MMP16: variants seen among roughly 807,000 people sequenced by gnomAD.
MMP16 encodes matrix metalloproteinase-16.
MMP16 carries 12 observed loss-of-function variants against 67.8 expected under a neutral mutation model. The observed-to-expected ratio is 0.18, with a 90% confidence interval of 0.11 to 0.29. MMP16 has a LOEUF of 0.29. Ranked by LOEUF, MMP16 falls within the 10% of genes least tolerant of loss-of-function variation. The pLI is 1.00. For synonymous variants in MMP16, 249 were observed against 255.9 expected, an observed-to-expected ratio of 0.97 and a Z score of 0.26; for missense variants, 475 against 765.7, an observed-to-expected ratio of 0.62 and a Z score of 4.48.
At chr8:88,174,962 C>G (rs1808863653) in intron 3 of MMP16, among the ~76,000 whole-genome samples, 1 of 152,096 alleles carries the variant, frequency 6.6e-6, no homozygotes, top group Admixed American at 6.5e-5. Context: ...CCATGTTGGT[C>G]AGGCTGGTCT....
intron 8 of MMP16, among the ~76,000 whole-genome samples, chr8:88,054,432 C>A (rs1808307204): frequency 6.6e-6 from 1 of 152,142 alleles, no homozygotes; most frequent in African/African-American, 2.4e-5. Context: ...GATTTACTTT[C>A]ATTAGTGGCC....
At position 88,202,250 on chromosome 8, in the gene MMP16, C is replaced by A. The variant is rs550090639; in HGVS notation, c.133-4944G>T. Among the ~76,000 whole-genome samples, 29 of 152,292 alleles carry A rather than the reference C, an allele frequency of 1.9e-4. 2 individuals carry two copies. The highest frequency in any genetic ancestry group is 1.5e-3 in the South Asian group (7 of 4,824). On this transcript the variant is annotated intron_variant, in intron 1 of 9. Coordinates refer to ENST00000286614, the MANE Select transcript of MMP16 (RefSeq NM_005941.5). ...AAACATCTTATCAATTAAGAGGCAA[C>A]TGTCATTTGGACAGGAAGAGAAGAA...
At chr8:88,279,401 T>C (rs1011856630) in intron 1 of MMP16, among the ~76,000 whole-genome samples, 1 of 152,212 alleles carries the variant, frequency 6.6e-6, no homozygotes, top group Non-Finnish European at 1.5e-5. Context: ...ATTACCTACA[T>C]AGCTTGCATT....
chr8:88,111,667 T>C (rs1236927776), intron 6 of MMP16, among the ~76,000 whole-genome samples: 1 of 151,714 alleles, frequency 6.6e-6, no homozygotes, highest in Non-Finnish European at 1.5e-5. Context: ...ATTTGATGCA[T>C]TGTTTTACAA....
chr8:88,065,507 T>G (rs1808452874), intron 7 of MMP16, among the ~76,000 whole-genome samples: 2 of 152,054 alleles, frequency 1.3e-5, no homozygotes, highest in Non-Finnish European at 2.9e-5. Flanking sequence ...TCCATAAATA[T>G]TTATAATTCA....
Position 88,313,829 on chromosome 8 carries a change from T to C in MMP16, c.132+13246A>G, listed in dbSNP as rs965641624. Among the ~76,000 whole-genome samples, 14 of 152,236 alleles carry C rather than the reference T, an allele frequency of 9.2e-5. No individual in the cohort carries two copies. The East Asian group carries it at 2.7e-3, about 29-fold the overall frequency. ...AAGGAGGAGCAAGTCACATCTTACA[T>C]GGATGGCAGCAGGCAAAGAGAGAGC... is the stretch of plus-strand genomic sequence containing the variant. On this transcript the variant is annotated intron_variant, in intron 1 of 9. Coordinates refer to ENST00000286614, the MANE Select transcript of MMP16 (RefSeq NM_005941.5).
At chr8:88,312,666 C>T (rs1811313287) in intron 1 of MMP16, among the ~76,000 whole-genome samples, 1 of 152,112 alleles carries the variant, frequency 6.6e-6, no homozygotes, top group Non-Finnish European at 1.5e-5. Flanking sequence ...CTTTCTGTTG[C>T]TAAAGATTAG....
chr8:88,051,617 C>T (rs564516002), intron 8 of MMP16, among the ~76,000 whole-genome samples: 82 of 152,180 alleles, frequency 5.4e-4, no homozygotes, highest in Non-Finnish European at 9.4e-4. Flanking sequence ...TTTTGAACGA[C>T]TCAAAAACAT....
intron 4 of MMP16, among the ~76,000 whole-genome samples, chr8:88,138,103 T>C (rs1331763831): frequency 1.3e-5 from 2 of 152,010 alleles, no homozygotes; most frequent in Admixed American, 6.6e-5. Flanking sequence ...GTGTTTTTTT[T>C]CCTAGGTCTA....
chr8:88,046,936 A>C (rs1170319264), intron 8 of MMP16, 152 bp from the exon 9 acceptor site: 1 of 485,442 alleles, frequency 2.1e-6, no homozygotes, highest in Non-Finnish European at 3.6e-6. Flanking sequence ...CAGAACTCCA[A>C]CTGGCAAGCT....
At chr8:88,124,630 G>A (rs568915046) in intron 4 of MMP16, among the ~76,000 whole-genome samples, 4 of 152,066 alleles carry the variant, frequency 2.6e-5, no homozygotes, top group African/African-American at 9.6e-5. Flanking sequence ...GGAGCTCTTT[G>A]TAGGCATCTG....
intron 1 of MMP16, among the ~76,000 whole-genome samples, chr8:88,275,642 T>C (rs1013819267): frequency 1.3e-5 from 2 of 151,820 alleles, no homozygotes; most frequent in Non-Finnish European, 2.9e-5. Context: ...AAAAAACACA[T>C]AGCAGTGTTT....
intron 2 of MMP16, among the ~76,000 whole-genome samples, chr8:88,196,118 T>C (rs1233179622): frequency 6.6e-6 from 1 of 152,218 alleles, no homozygotes; most frequent in Non-Finnish European, 1.5e-5. Flanking sequence ...AGACGGATTC[T>C]GCAACTACTC....
chr8:88,228,441 G>A (rs140928185), intron 1 of MMP16, among the ~76,000 whole-genome samples: 210 of 152,032 alleles, frequency 1.4e-3, no homozygotes, highest in African/African-American at 4.3e-3. Flanking sequence ...TAATGACAAG[G>A]TAAAATGCTT....
At chr8:88,143,009 T>C (rs1808236912) in intron 4 of MMP16, among the ~76,000 whole-genome samples, 2 of 152,036 alleles carry the variant, frequency 1.3e-5, no homozygotes, top group South Asian at 4.1e-4. Flanking sequence ...TATATCAGAG[T>C]GGGTATCTGC....
At chr8:88,198,720 C>A (rs562049677) in intron 1 of MMP16, among the ~76,000 whole-genome samples, 31 of 151,590 alleles carry the variant, frequency 2.0e-4, no homozygotes, top group Admixed American at 5.3e-4. Flanking sequence ...AAAAAAAAAA[C>A]CCAAAATTTA....
chr8:88,098,727 C>T (rs1489250554), intron 6 of MMP16, among the ~76,000 whole-genome samples: 1 of 151,896 alleles, frequency 6.6e-6, no homozygotes, highest in Non-Finnish European at 1.5e-5. Flanking sequence ...ATTGTGAACA[C>T]CCGGCTCTCA....
intron 1 of MMP16, among the ~76,000 whole-genome samples, chr8:88,291,428 C>A (rs1478285706): frequency 2.0e-5 from 3 of 152,156 alleles, no homozygotes; most frequent in Non-Finnish European, 4.4e-5. Flanking sequence ...GTAGCTACTA[C>A]CAGAAACTGC....
intron 1 of MMP16, among the ~76,000 whole-genome samples, chr8:88,293,243 C>A (rs1212896834): frequency 1.3e-5 from 2 of 152,050 alleles, no homozygotes; most frequent in Non-Finnish European, 2.9e-5. Flanking sequence ...TGTCTTACTA[C>A]CTTCCCTCCT....
Sources: allele counts gnomAD v4.1 joint callset (sites outside exome capture counted in the v4.1 genomes callset), GRCh38; gene constraint gnomAD v4.1.1; transcripts MANE v1.5; gene names NCBI Gene and HGNC (gene_info 2026-07-23, HGNC 2026-07-21).